The following TMEM132D variants were observed in gnomAD, a reference collection of about 807,000 sequenced individuals.
TMEM132D encodes mature OL transmembrane protein.
A neutral mutation model predicts 62.3 loss-of-function variants in TMEM132D; 21 were observed. The ratio of observed to expected loss-of-function variants is 0.34; its 90% CI spans 0.24 to 0.49. The LOEUF is 0.49. TMEM132D is among the 20% of genes least tolerant of loss of function. The pLI is 0.99. For missense variants in TMEM132D, 1,346 were observed against 1,402.8 expected, an observed-to-expected ratio of 0.96 and a Z score of 0.65; for synonymous variants, 621 against 575.6, an observed-to-expected ratio of 1.08 and a Z score of -1.13.
In TMEM132D at chr12:129,491,340, CTGTT is replaced by C. The variant is rs541052473; in HGVS notation, c.1115+39715_1115+39718del. 1.6e-3 allele frequency among the ~76,000 whole-genome samples: 251 copies of C among 152,350 alleles called. 1 individual carries two copies. Among genetic ancestry groups the C allele is most frequent in the South Asian group, 0.014 (67 of 4,832 alleles). The stretch of plus-strand genomic sequence containing the variant: ...TTTTATCATATTTATTTCACCAACA[CTGTT>C]TGGCTGTTCACCAAAAACCATTTTC... On this transcript the variant is annotated intron_variant, in intron 3 of 8. Coordinates refer to ENST00000422113, the MANE Select transcript of TMEM132D (RefSeq NM_133448.3).
In TMEM132D at chr12:129,704,008, G is replaced by A. The variant is rs189771762; in HGVS notation, c.80-3310C>T. Among the ~76,000 whole-genome samples the A allele has an allele frequency of 3.3e-5, 5 of 151,528 alleles. No individual in the cohort carries two copies. In the East Asian group the frequency reaches 9.7e-4, roughly 29 times the overall value. On this transcript the variant is annotated intron_variant, in intron 1 of 8. Coordinates refer to ENST00000422113, the MANE Select transcript of TMEM132D (RefSeq NM_133448.3). Reference sequence around the variant, plus strand: ...CTGCAAGAATTACTGGGACTCACAAGGGACTCAAATACCTCACATAGAAAA... The same window carrying A: ...CTGCAAGAATTACTGGGACTCACAAAGGACTCAAATACCTCACATAGAAAA...
intron 3 of TMEM132D, among the ~76,000 whole-genome samples, chr12:129,396,625 T>A (rs1172207261): frequency 6.6e-6 from 1 of 152,132 alleles, no homozygotes; most frequent in Non-Finnish European, 1.5e-5. Flanking sequence ...GCATGGAGAA[T>A]AGACATGCTT....
chr12:129,402,570 T>G (rs1400037444), intron 3 of TMEM132D, among the ~76,000 whole-genome samples: 1 of 152,182 alleles, frequency 6.6e-6, no homozygotes, highest in Non-Finnish European at 1.5e-5. Flanking sequence ...AGGCACCATT[T>G]CTTTTTCTTT....
intron 2 of TMEM132D, among the ~76,000 whole-genome samples, chr12:129,680,412 T>G (rs542534893): frequency 1.3e-5 from 2 of 152,332 alleles, no homozygotes; most frequent in Admixed American, 1.3e-4. Context: ...AAATATTACC[T>G]GTTCCCTCTG....
intron 5 of TMEM132D, among the ~76,000 whole-genome samples, chr12:129,127,104 C>A (rs375852620): frequency 1.3e-5 from 2 of 152,338 alleles, no homozygotes; most frequent in South Asian, 4.1e-4. Context: ...AGCGAGAGAG[C>A]GGGATTCATC....
chr12:129,101,704 C>T (rs1238153307), intron 5 of TMEM132D, among the ~76,000 whole-genome samples: 1 of 152,116 alleles, frequency 6.6e-6, no homozygotes, highest in African/African-American at 2.4e-5. Flanking sequence ...GTTTCATTAC[C>T]TGATGCTGTT....
At position 129,365,326 on chromosome 12, in the gene TMEM132D, G is replaced by A. The variant is rs114124708; in HGVS notation, c.1116-27509C>T. On this transcript the variant is annotated intron_variant, in intron 3 of 8. Coordinates refer to ENST00000422113, the MANE Select transcript of TMEM132D (RefSeq NM_133448.3). ...TTTGAAGCCTGAGATAAAAGAAGAT[G>A]CAGTTCATTCTGTTTTCATTCTCTT... Among the ~76,000 whole-genome samples the A allele has an allele frequency of 7.7e-3, 1,169 of 152,238 alleles. 15 individuals are homozygous for A. The highest frequency in any genetic ancestry group is 0.026 in the African/African-American group (1,083 of 41,540).
chr12:129,311,197 C>A (rs1881965722), intron 4 of TMEM132D, among the ~76,000 whole-genome samples: 2 of 29,670 alleles, frequency 6.7e-5, no homozygotes, highest in African/African-American at 1.9e-4. Context: ...GACTCCGTCT[C>A]AAAAAAAAAA....
At chr12:129,075,184 G>C (rs894360276) in intron 8 of TMEM132D, 125 bp from the exon 9 acceptor site, 17 of 760,652 alleles carry the variant, frequency 2.2e-5, no homozygotes, top group Non-Finnish European at 3.5e-5. Context: ...CTTTCAAACA[G>C]TGTAGAAATA....
chr12:129,503,988 CATCATT>C (rs1875246647), intron 3 of TMEM132D, among the ~76,000 whole-genome samples: 1 of 138,696 alleles, frequency 7.2e-6, no homozygotes, highest in Non-Finnish European at 1.6e-5. Flanking sequence ...TTGTCATCAT[CATCATT>C]ATTGTCATCA....
intron 3 of TMEM132D, among the ~76,000 whole-genome samples, chr12:129,380,540 G>T (rs562524878): frequency 2.0e-5 from 3 of 147,418 alleles, no homozygotes; most frequent in Non-Finnish European, 4.5e-5. Context: ...TAGATTTCTC[G>T]GTTTTACTTG....
intron 5 of TMEM132D, among the ~76,000 whole-genome samples, chr12:129,202,678 A>T (rs1486751154): frequency 6.6e-6 from 1 of 152,122 alleles, no homozygotes; most frequent in Non-Finnish European, 1.5e-5. Flanking sequence ...GGCCACCCTG[A>T]ATCACATGGC....
chr12:129,544,009 A>G (rs1245142055), intron 2 of TMEM132D, among the ~76,000 whole-genome samples: 1 of 152,208 alleles, frequency 6.6e-6, no homozygotes, highest in Non-Finnish European at 1.5e-5. Flanking sequence ...TTAAAAAAGG[A>G]ATTGCCAAGT....
chr12:129,330,010 C>T (rs1005775612), intron 4 of TMEM132D, among the ~76,000 whole-genome samples: 5 of 152,182 alleles, frequency 3.3e-5, no homozygotes, highest in African/African-American at 9.6e-5. Context: ...GTTTTGCCTG[C>T]TAAGATCACA....
chr12:129,774,649 A>G (rs918172315), intron 1 of TMEM132D, among the ~76,000 whole-genome samples: 2 of 152,178 alleles, frequency 1.3e-5, no homozygotes, highest in Non-Finnish European at 1.5e-5. Context: ...AGAAACTAAG[A>G]CCAAGTCTCT....
At chr12:129,142,716 G>A (rs1253292147) in intron 5 of TMEM132D, among the ~76,000 whole-genome samples, 1 of 152,082 alleles carries the variant, frequency 6.6e-6, no homozygotes, top group African/African-American at 2.4e-5. Flanking sequence ...GGTAGTCGTG[G>A]GGACTGCTTT....
intron 3 of TMEM132D, among the ~76,000 whole-genome samples, chr12:129,412,906 G>C (rs1454141852): frequency 2.0e-5 from 3 of 152,152 alleles, no homozygotes; most frequent in African/African-American, 7.2e-5. Flanking sequence ...TAGGATGGAA[G>C]AATGGAAAGG....
chr12:129,107,868 T>TA (rs35711972), intron 5 of TMEM132D, among the ~76,000 whole-genome samples: 97,068 of 149,092 alleles, frequency 0.65, 31,773 homozygotes, highest in East Asian at 0.77. Flanking sequence ...TTTTTTTTTT[T>TA]TATTTGTAGA....
chr12:129,310,245 A>T (rs1348176031), intron 4 of TMEM132D, among the ~76,000 whole-genome samples: 2 of 152,218 alleles, frequency 1.3e-5, no homozygotes, highest in African/African-American at 4.8e-5. Context: ...GAACCAGGTC[A>T]GGAGGTAGGA....
Sources: gnomAD v4.1 joint callset for allele counts (sites outside exome capture counted in the v4.1 genomes callset) on GRCh38, gnomAD v4.1.1 for gene constraint, MANE v1.5 for transcripts, NCBI Gene and HGNC (gene_info 2026-07-23, HGNC 2026-07-21) for gene names.